Variants in OSBPL1A observed in about 807,000 individuals in gnomAD.
OSBPL1A encodes oxysterol-binding protein-related protein 1.
In OSBPL1A, 80 loss-of-function variants were observed where a neutral mutation model predicts 137.1. The ratio of observed to expected loss-of-function variants is 0.58; its 90% CI spans 0.49 to 0.70. OSBPL1A has a LOEUF of 0.70. OSBPL1A is among the 30% of genes least tolerant of loss of function. The pLI, the probability that OSBPL1A is intolerant of heterozygous loss-of-function variation, is 0.00. For missense variants in OSBPL1A, 970 were observed against 1,129.4 expected, an observed-to-expected ratio of 0.86 and a Z score of 2.02; for synonymous variants, 365 against 389.7, an observed-to-expected ratio of 0.94 and a Z score of 0.75.
chr18:24,188,345 C>T (rs1214415647), intron 18 of OSBPL1A, among the ~76,000 whole-genome samples: 1 of 152,222 alleles, frequency 6.6e-6, no homozygotes, highest in Non-Finnish European at 1.5e-5. Flanking sequence ...GGCTCCTCAA[C>T]ACCAGCCACC....
chr18:24,209,546 G>C (rs1473160755), intron 17 of OSBPL1A, among the ~76,000 whole-genome samples: 2 of 152,120 alleles, frequency 1.3e-5, no homozygotes, highest in African/African-American at 2.4e-5. Flanking sequence ...ATAGTGAAGA[G>C]AATGAAACAT....
intron 15 of OSBPL1A, among the ~76,000 whole-genome samples, chr18:24,264,736 T>G (rs1355057685): frequency 1.3e-5 from 2 of 152,338 alleles, no homozygotes; most frequent in Middle Eastern, 3.4e-3. Flanking sequence ...AAGTAGCTTA[T>G]ATAGATGGCC....
At chr18:24,390,500 T>C (rs1193291730) in intron 1 of OSBPL1A, among the ~76,000 whole-genome samples, 5 of 152,030 alleles carry the variant, frequency 3.3e-5, no homozygotes, top group Non-Finnish European at 7.4e-5. Flanking sequence ...GAGACCAGCC[T>C]GGCCAACAGA....
chr18:24,383,746 C>T (rs1215390947), intron 1 of OSBPL1A, among the ~76,000 whole-genome samples: 1 of 152,160 alleles, frequency 6.6e-6, no homozygotes, highest in African/African-American at 2.4e-5. Flanking sequence ...GGGCAAGACT[C>T]CGTCTCAAAA....
At chr18:24,309,356 CTT>C (rs2090570888) in intron 13 of OSBPL1A, among the ~76,000 whole-genome samples, 2 of 152,158 alleles carry the variant, frequency 1.3e-5, no homozygotes, top group South Asian at 2.1e-4. Flanking sequence ...CTCTCTCTCT[CTT>C]TCCTTCTAAG....
intron 12 of OSBPL1A, 104 bp downstream of exon 12, chr18:24,314,145 C>T (rs1176318520): frequency 4.2e-5 from 28 of 662,222 alleles, no homozygotes; most frequent in Non-Finnish European, 6.6e-5. Flanking sequence ...ATTAAAAGTA[C>T]AATCAACAAG....
intron 15 of OSBPL1A, among the ~76,000 whole-genome samples, chr18:24,277,900 A>T (rs1163298327): frequency 6.6e-6 from 1 of 152,244 alleles, no homozygotes; most frequent in Non-Finnish European, 1.5e-5. Flanking sequence ...TACTCAGAAG[A>T]TACCTTCAAT....
intron 15 of OSBPL1A, among the ~76,000 whole-genome samples, chr18:24,249,868 T>C (rs1299985636): frequency 6.6e-6 from 1 of 152,194 alleles, no homozygotes; most frequent in East Asian, 1.9e-4. Context: ...CTTCTAATGC[T>C]GGGCTGGGCT....
At chr18:24,326,181 CTT>C (rs1180406893) in intron 7 of OSBPL1A, among the ~76,000 whole-genome samples, 2 of 152,128 alleles carry the variant, frequency 1.3e-5, no homozygotes, top group African/African-American at 4.8e-5. Context: ...ACATGAAGTA[CTT>C]TCCATAAGGT....
At chr18:24,382,098 CA>C (rs1333112850) in intron 1 of OSBPL1A, among the ~76,000 whole-genome samples, 1 of 151,368 alleles carries the variant, frequency 6.6e-6, no homozygotes, top group African/African-American at 2.4e-5. Flanking sequence ...TATAAAAATA[CA>C]AAAAATCAGC....
In OSBPL1A at chr18:24,341,625, C is replaced by T; in HGVS notation, c.316G>A (p.Asp106Asn). 6.2e-7 allele frequency: 1 copy of T among 1,611,834 alleles called. No homozygotes were observed. The highest frequency in any genetic ancestry group is 8.5e-7 in the Non-Finnish European group (1 of 1,178,824). ...CCACTCCCATTAACAATAGTAGTATCAGCATTATATTCTAAGAGAAGCATT... is the reference window on the plus strand; with the variant it reads ...CCACTCCCATTAACAATAGTAGTATTAGCATTATATTCTAAGAGAAGCATT... ...LVMLLLEYNA[D>N]TTIVNGSGQT... Residue 106 changes from aspartate to asparagine, a missense_variant, in exon 5 of 28, where the codon GAT (aspartate) becomes AAT (asparagine). Asp to Asn is a conservative substitution (Grantham distance 23). This residue lies in a region of OSBPL1A where 647 missense variants were observed against 672.6 expected (regional missense o/e 0.96). Coordinates refer to ENST00000319481, the MANE Select transcript of OSBPL1A (RefSeq NM_080597.4).
chr18:24,229,899 C>T (rs1389337523), intron 16 of OSBPL1A, among the ~76,000 whole-genome samples: 2 of 152,048 alleles, frequency 1.3e-5, no homozygotes, highest in East Asian at 1.9e-4. Flanking sequence ...TATAAGCGCG[C>T]GCCACCATGC....
intron 15 of OSBPL1A, among the ~76,000 whole-genome samples, chr18:24,256,553 G>A (rs534219120): frequency 2.0e-5 from 3 of 152,210 alleles, no homozygotes; most frequent in Non-Finnish European, 2.9e-5. Context: ...TTAAGATATG[G>A]AACACAACAA....
intron 2 of OSBPL1A, among the ~76,000 whole-genome samples, chr18:24,371,862 C>T (rs772180533): frequency 4.6e-5 from 7 of 152,212 alleles, no homozygotes; most frequent in Non-Finnish European, 1.0e-4. Context: ...AGCATGGCCA[C>T]ATTCTTCCCT....
chr18:24,272,421 C>A (rs1384817342), intron 15 of OSBPL1A, among the ~76,000 whole-genome samples: 1 of 151,902 alleles, frequency 6.6e-6, no homozygotes, highest in Non-Finnish European at 1.5e-5. Flanking sequence ...TTGTTTATAC[C>A]CTAGTTGGGA....
chr18:24,333,012 G>A lies in OSBPL1A; in HGVS notation c.555C>T (p.Tyr185=), dbSNP rs2091110899. The A allele has an allele frequency of 1.9e-6, 3 of 1,614,060 alleles. No homozygotes were observed. The highest frequency in any genetic ancestry group is 1.7e-5 in the Admixed American group (1 of 60,014). ...LGNTPLHCAA[Y]RAHKQCALKL... ...TTAAGGCACATTGTTTATGGGCCCG[G>A]TAAGCTGCACAATGCAAGGGTGTAT... The change falls in exon 7 of 28, where the codon TAC becomes TAT. Residue 185 remains tyrosine, a synonymous_variant. Transcript: ENST00000319481.
At chr18:24,168,858 T>C (rs2145906372) in intron 24 of OSBPL1A, among the ~76,000 whole-genome samples, 1 of 152,358 alleles carries the variant, frequency 6.6e-6, no homozygotes, top group East Asian at 1.9e-4. Flanking sequence ...TTTCACAGAC[T>C]GACTGGGAAT....
intron 11 of OSBPL1A, among the ~76,000 whole-genome samples, chr18:24,316,913 A>G (rs1299874553): frequency 1.3e-4 from 20 of 152,220 alleles, no homozygotes; most frequent in Admixed American, 1.3e-3. Flanking sequence ...TGGACAATCC[A>G]TCTCTCATTC....
chr18:24,171,301 G>C, intron 23 of OSBPL1A, 108 bp downstream of exon 23: 4 of 794,854 alleles, frequency 5.0e-6, no homozygotes, highest in Non-Finnish European at 6.1e-6. Flanking sequence ...CAAAGTGCTG[G>C]GATTATAGGT....
Sources: allele counts gnomAD v4.1 joint callset (sites outside exome capture counted in the v4.1 genomes callset), GRCh38; gene constraint gnomAD v4.1.1; regional missense constraint gnomAD v4.1.1; transcripts MANE v1.5; gene names NCBI Gene and HGNC (gene_info 2026-07-23, HGNC 2026-07-21).